The following RTF1 variants were observed in gnomAD, a reference collection of about 807,000 sequenced individuals.
RTF1 encodes the protein RTF1 homolog, Paf1/RNA polymerase II complex component.
In RTF1, 10 loss-of-function variants were observed where a neutral mutation model predicts 95.7. The ratio of observed to expected loss-of-function variants is 0.10; its 90% confidence interval spans 0.06 to 0.18. The LOEUF is 0.18. RTF1 is among the 10% of genes least tolerant of loss of function. The pLI, the probability that RTF1 is intolerant of heterozygous loss-of-function variation, is 1.00. For missense variants in RTF1, 458 were observed against 875.6 expected, an observed-to-expected ratio of 0.52 and a Z score of 6.02; for synonymous variants, 305 against 311.8, an observed-to-expected ratio of 0.98 and a Z score of 0.23.
intron 2 of RTF1, among the ~76,000 whole-genome samples, chr15:41,444,232 C>G (rs910546679): frequency 6.6e-6 from 1 of 151,850 alleles, no homozygotes; most frequent in Non-Finnish European, 1.5e-5. Flanking sequence ...AATCATGCCA[C>G]TGCACTCCAA....
intron 3 of RTF1, among the ~76,000 whole-genome samples, 156 bp from the exon 4 acceptor site, chr15:41,457,516 A>G (rs992273827): frequency 3.9e-5 from 6 of 151,930 alleles, no homozygotes; most frequent in African/African-American, 1.5e-4. Flanking sequence ...TAAGAGCAAA[A>G]CTCCATCTCA....
At chr15:41,475,064 A>G (rs1010419787) in intron 9 of RTF1, among the ~76,000 whole-genome samples, 2 of 152,134 alleles carry the variant, frequency 1.3e-5, no homozygotes, top group African/African-American at 4.8e-5. Context: ...ATTTTTATGG[A>G]CTTCATTTCC....
At chr15:41,437,760 A>T (rs889106610) in intron 1 of RTF1, among the ~76,000 whole-genome samples, 1 of 152,290 alleles carries the variant, frequency 6.6e-6, no homozygotes, top group East Asian at 1.9e-4. Flanking sequence ...AATTGGGAGA[A>T]TAGGGCTTGT....
At chr15:41,422,023 ATTTG>A (rs113012162) in intron 1 of RTF1, among the ~76,000 whole-genome samples, 6,609 of 151,774 alleles carry the variant, frequency 0.044, 259 homozygotes, top group African/African-American at 0.11. Flanking sequence ...TTATTTATTT[ATTTG>A]TTTGTTTGTT....
intron 2 of RTF1, among the ~76,000 whole-genome samples, chr15:41,451,701 C>T (rs1385205593): frequency 1.3e-5 from 2 of 152,210 alleles, no homozygotes; most frequent in Non-Finnish European, 2.9e-5. Context: ...CATCCTTTCT[C>T]ACTGTGCTTT....
chr15:41,439,870 T>G (rs79845304), intron 2 of RTF1, among the ~76,000 whole-genome samples: 2,422 of 152,218 alleles, frequency 0.016, 76 homozygotes, highest in African/African-American at 0.056. Flanking sequence ...CAGGCTGGTC[T>G]CAAACTTCCG....
At chr15:41,430,006 C>CTTTTTTTTTTTTTTTTTTTT (rs1410593149) in intron 1 of RTF1, among the ~76,000 whole-genome samples, 1 of 143,034 alleles carries the variant, frequency 7.0e-6, no homozygotes, top group Non-Finnish European at 1.5e-5. Context: ...TTTATTTTTT[C>CTTTTTTTTTTTTTTTTTTTT]TTTTCTTTTT....
chr15:41,462,515 C>A (rs946437929), intron 4 of RTF1, among the ~76,000 whole-genome samples: 2 of 152,098 alleles, frequency 1.3e-5, no homozygotes, highest in Non-Finnish European at 2.9e-5. Flanking sequence ...AGATTATATA[C>A]ATAAGAACAT....
intron 10 of RTF1, 37 bp from the exon 11 acceptor site, chr15:41,475,675 C>T (rs770337375): frequency 6.2e-7 from 1 of 1,600,208 alleles, no homozygotes; most frequent in Non-Finnish European, 8.6e-7. Context: ...TTTCCAAAAT[C>T]CCTTACTAAT....
At chr15:41,427,592 A>T (rs752168622) in intron 1 of RTF1, among the ~76,000 whole-genome samples, 1 of 152,006 alleles carries the variant, frequency 6.6e-6, no homozygotes, top group Non-Finnish European at 1.5e-5. Context: ...AGATAGGAGG[A>T]TCACCTGAGC....
intron 1 of RTF1, among the ~76,000 whole-genome samples, chr15:41,429,566 T>C (rs1194097788): frequency 2.0e-5 from 3 of 152,110 alleles, no homozygotes; most frequent in Admixed American, 1.3e-4. Context: ...CCTCACCCTG[T>C]TTTATAAAGC....
At chr15:41,428,204 A>G (rs1377800386) in intron 1 of RTF1, among the ~76,000 whole-genome samples, 1 of 144,920 alleles carries the variant, frequency 6.9e-6, no homozygotes, top group Non-Finnish European at 1.5e-5. Context: ...GATAAAGGAC[A>G]CTGTCACTTT....
intron 1 of RTF1, among the ~76,000 whole-genome samples, chr15:41,431,823 C>T (rs948631131): frequency 1.2e-4 from 18 of 149,340 alleles, no homozygotes; most frequent in South Asian, 4.2e-4. Context: ...TTTTTTGAGA[C>T]GCAGTCTCCC....
At chr15:41,424,386 G>A (rs797017625) in intron 1 of RTF1, among the ~76,000 whole-genome samples, 2 of 152,246 alleles carry the variant, frequency 1.3e-5, no homozygotes, top group African/African-American at 4.8e-5. Context: ...TGAGGCACCA[G>A]CATATATAAA....
chr15:41,435,508 A>G (rs2050697541), intron 1 of RTF1, among the ~76,000 whole-genome samples: 2 of 152,150 alleles, frequency 1.3e-5, no homozygotes, highest in African/African-American at 4.8e-5. Context: ...TAAACACACA[A>G]GTGTTGATAT....
At chr15:41,428,692 C>T (rs1295281453) in intron 1 of RTF1, among the ~76,000 whole-genome samples, 2 of 151,848 alleles carry the variant, frequency 1.3e-5, no homozygotes, top group African/African-American at 4.8e-5. Context: ...CCCTCCTCTG[C>T]CTCTGGAGTA....
intron 1 of RTF1, among the ~76,000 whole-genome samples, chr15:41,437,520 T>A (rs2050711071): frequency 6.6e-6 from 1 of 151,778 alleles, no homozygotes; most frequent in Non-Finnish European, 1.5e-5. Context: ...AAGAAAAGTA[T>A]CTGGCATCTA....
chr15:41,439,224 C>T lies in RTF1; in HGVS notation c.309+793C>T, dbSNP rs139610862. On this transcript the variant is annotated intron_variant, in intron 2 of 17. Coordinates refer to ENST00000389629, the MANE Select transcript of RTF1 (RefSeq NM_015138.5). ...TTTTTTTTTTTATTTTTAGTAGAGA[C>T]GGGGTTTCACTGTGTTAGCCAGGGT... Among the ~76,000 whole-genome samples, 1,148 of 151,420 alleles carry T rather than the reference C, an allele frequency of 7.6e-3. 19 individuals are homozygous for T. Among genetic ancestry groups the T allele is most frequent in the African/African-American group, 0.026 (1,081 of 41,290 alleles).
rs2050795925 is a variant in RTF1 at position 41,452,949 on chromosome 15, A to G, written c.358A>G (p.Ile120Val). 6.2e-6 allele frequency: 10 copies of G among 1,612,706 alleles called. No homozygotes were observed. Among genetic ancestry groups the G allele is most frequent in the Non-Finnish European group, 8.5e-6 (10 of 1,179,572 alleles). The part of the protein sequence containing the change: ...KNKKKGKARK[I>V]EKKGTMKKQA... ...TAAGAAGAAAGGAAAAGCCAGAAAA[A>G]TAGAGAAGAAAGGAACCATGAAGAA... Residue 120 changes from isoleucine to valine, a missense_variant, in exon 3 of 18, where the codon ATA (isoleucine) becomes GTA (valine). Physicochemically the swap from Ile to Val is conservative, Grantham distance 29. Coordinates refer to ENST00000389629, the MANE Select transcript of RTF1 (RefSeq NM_015138.5).
Sources: gnomAD v4.1 joint callset for allele counts (sites outside exome capture counted in the v4.1 genomes callset) on GRCh38, gnomAD v4.1.1 for gene constraint, MANE v1.5 for transcripts, NCBI Gene and HGNC (gene_info 2026-07-23, HGNC 2026-07-21) for gene names.